The following DPF3 variants were observed in gnomAD, a reference collection of about 807,000 sequenced individuals.
The protein encoded by DPF3 is zinc finger protein DPF3.
A neutral mutation model predicts 56.8 loss-of-function variants in DPF3; 18 were observed. The ratio of observed to expected loss-of-function variants is 0.32; its 90% CI spans 0.22 to 0.47. The LOEUF (loss-of-function observed/expected upper bound fraction) is 0.47, where lower values mean the gene tolerates loss of function less well. Among genes scored for constraint, DPF3 ranks in the 20% least tolerant of loss-of-function variants. The probability of loss-of-function intolerance (pLI) is 1.00; values close to 1 mark genes in which losing one functional copy is unlikely to be tolerated. For synonymous variants in DPF3, 188 were observed against 180.2 expected (o/e 1.04, Z -0.35); for missense variants, 403 against 488.8 (o/e 0.82, Z 1.65).
chr14:72,663,166 C>CAAAAAAAAAAAAAAAAAAAAA (rs56335418), intron 8 of DPF3, among the ~76,000 whole-genome samples: 13 of 88,524 alleles, frequency 1.5e-4, no homozygotes, highest in African/African-American at 5.8e-4. Context: ...TGGGTGTTAG[C>CAAAAAAAAAAAAAAAAAAAAA]AAAAAAAAAA....
At chr14:72,657,900 A>C (rs571257042) in intron 8 of DPF3, among the ~76,000 whole-genome samples, 2 of 152,334 alleles carry the variant, frequency 1.3e-5, no homozygotes, top group Non-Finnish European at 2.9e-5. Context: ...GATCCCCATT[A>C]TAAATGATAA....
chr14:72,761,835 AT>A (rs1891080691), intron 2 of DPF3, among the ~76,000 whole-genome samples: 1 of 151,926 alleles, frequency 6.6e-6, no homozygotes, highest in African/African-American at 2.4e-5. Context: ...GAGGTAAAAA[AT>A]AACATTCAAA....
chr14:72,836,054 A>C, intron 1 of DPF3: 2 of 985,478 alleles, frequency 2.0e-6, no homozygotes, highest in Non-Finnish European at 2.4e-6. Flanking sequence ...TGCTGGAGAC[A>C]CAAGTGGCTT....
At chr14:72,630,699 T>C (rs562328131) in intron 8 of DPF3, among the ~76,000 whole-genome samples, 1 of 152,250 alleles carries the variant, frequency 6.6e-6, no homozygotes, top group African/African-American at 2.4e-5. Context: ...GTGAAACAGA[T>C]CAGAATCTGC....
At position 72,669,836 on chromosome 14, in the gene DPF3, T is replaced by C. The variant is rs571138115; in HGVS notation, c.871+4404A>G. 9 of 952,276 alleles carry C rather than the reference T, an allele frequency of 9.5e-6. No homozygotes were observed. In the South Asian group the frequency reaches 3.4e-4, roughly 36 times the overall value. The allele number at this position is 952,276 out of a possible 1,614,324, so 59.0% of individuals were successfully genotyped here. On this transcript the variant is annotated intron_variant, in intron 8 of 10. Coordinates refer to ENST00000556509, the MANE Select transcript of DPF3 (RefSeq NM_001280542.3). ...AGCCACTCTTACACTAAGAAGGGAG[T>C]CCAAACCCAGGAAAACAAAAAAGCA...
At position 72,614,364 on chromosome 14, in the gene DPF3, T is replaced by C. The variant is rs1291088094; in HGVS notation, c.*4933A>G. ...TCACCTGGTATCCAAAAGCATACTT[T>C]GGGGATGGGAGTAAGATTTCAAAAC... is the stretch of plus-strand genomic sequence containing the variant. On this transcript the variant is annotated 3_prime_UTR_variant, in exon 11 of 11. Coordinates refer to ENST00000556509, the MANE Select transcript of DPF3 (RefSeq NM_001280542.3). 2.0e-5 allele frequency among the ~76,000 whole-genome samples: 3 copies of C among 152,110 alleles called. No individual in the cohort carries two copies. Among genetic ancestry groups the C allele is most frequent in the Admixed American group, 1.3e-4 (2 of 15,284 alleles).
chr14:72,820,124 AT>A (rs1398491422), intron 1 of DPF3, among the ~76,000 whole-genome samples: 1 of 152,216 alleles, frequency 6.6e-6, no homozygotes, highest in Non-Finnish European at 1.5e-5. Context: ...AGAACTATAT[AT>A]TTTGAATGAG....
At chr14:72,825,246 G>C (rs993991927) in intron 1 of DPF3, among the ~76,000 whole-genome samples, 3 of 152,144 alleles carry the variant, frequency 2.0e-5, no homozygotes, top group African/African-American at 7.2e-5. Context: ...CAGATGTCAA[G>C]AACTAGATCT....
At chr14:72,679,199 TGCCTGCC>T (rs1419456013) in intron 7 of DPF3, 1 of 152,174 alleles carries the variant, frequency 6.6e-6, no homozygotes, top group Non-Finnish European at 1.5e-5. Context: ...CGCTGTGGTG[TGCCTGCC>T]ACTCACAGAA....
intron 2 of DPF3, among the ~76,000 whole-genome samples, chr14:72,755,917 G>A (rs1242631577): frequency 2.6e-5 from 4 of 152,174 alleles, no homozygotes; most frequent in Non-Finnish European, 5.9e-5. Context: ...ACTTACAGAG[G>A]GAAGAGCAGG....
intron 1 of DPF3, among the ~76,000 whole-genome samples, chr14:72,890,083 T>C (rs961547489): frequency 6.6e-6 from 1 of 152,244 alleles, no homozygotes; most frequent in African/African-American, 2.4e-5. Flanking sequence ...CTCAGTTAAA[T>C]GCATACCAAC....
intron 2 of DPF3, among the ~76,000 whole-genome samples, chr14:72,757,632 C>T (rs1489200754): frequency 2.0e-5 from 3 of 151,916 alleles, no homozygotes; most frequent in African/African-American, 7.3e-5. Context: ...ATTTAAAATA[C>T]AATTTAAAAA....
intron 1 of DPF3, among the ~76,000 whole-genome samples, chr14:72,881,195 G>A (rs866243668): frequency 3.7e-4 from 56 of 152,346 alleles, no homozygotes; most frequent in African/African-American, 1.3e-3. Context: ...TTCTAACAGT[G>A]AAACTGGGGA....
At chr14:72,695,337 G>A (rs1393322398) in intron 6 of DPF3, among the ~76,000 whole-genome samples, 2 of 152,142 alleles carry the variant, frequency 1.3e-5, no homozygotes, top group Non-Finnish European at 2.9e-5. Flanking sequence ...ATTTTTTGCT[G>A]CATCTTAGGT....
intron 1 of DPF3, among the ~76,000 whole-genome samples, chr14:72,804,255 C>T (rs1165033116): frequency 6.6e-6 from 1 of 151,738 alleles, no homozygotes; most frequent in Non-Finnish European, 1.5e-5. Context: ...TCCAGATCCA[C>T]ACTGCGTGCC....
chr14:72,677,584 G>T (rs1886968399), intron 7 of DPF3, among the ~76,000 whole-genome samples: 1 of 151,550 alleles, frequency 6.6e-6, no homozygotes, highest in South Asian at 2.1e-4. Context: ...TGGAGACCAG[G>T]TCTAACCCGT....
In DPF3 at chr14:72,881,955, GA is replaced by G. The variant is rs1886343483; in HGVS notation, c.32+12101del. On this transcript the variant is annotated intron_variant, in intron 1 of 10. Transcript: ENST00000556509. Reference sequence around the variant, plus strand: ...GATGAGCTGGGTAAGTGAAGGGGGGGAAGATAAGGATGAAGAGGTATTGTCT... The same window carrying G: ...GATGAGCTGGGTAAGTGAAGGGGGGGAGATAAGGATGAAGAGGTATTGTCT... Among the ~76,000 whole-genome samples, 5 of 152,034 alleles carry G rather than the reference GA, an allele frequency of 3.3e-5. No individual in the cohort carries two copies. The South Asian group carries it at 1.0e-3, about 32-fold the overall frequency.
intron 1 of DPF3, among the ~76,000 whole-genome samples, chr14:72,841,228 A>G (rs1028941227): frequency 6.6e-6 from 1 of 152,186 alleles, no homozygotes; most frequent in African/African-American, 2.4e-5. Context: ...TCTGAGACTC[A>G]AGGTCCCTAT....
intron 1 of DPF3, among the ~76,000 whole-genome samples, chr14:72,889,210 C>T (rs990948926): frequency 7.2e-5 from 11 of 152,130 alleles, no homozygotes; most frequent in South Asian, 2.1e-4. Context: ...CAATGTCTCC[C>T]GGGAGGCCTG....
Sources: gnomAD v4.1 joint callset for allele counts (sites outside exome capture counted in the v4.1 genomes callset) on GRCh38, gnomAD v4.1.1 for gene constraint, MANE v1.5 for transcripts, NCBI Gene and HGNC (gene_info 2026-07-23, HGNC 2026-07-21) for gene names.